SPIDR: variants seen among roughly 807,000 people sequenced by gnomAD.
SPIDR encodes scaffold protein involved in DNA repair.
A neutral mutation model predicts 104.6 loss-of-function variants in SPIDR; 93 were observed. That is an observed-to-expected ratio of 0.89 (90% CI 0.75 to 1.06). SPIDR has a LOEUF of 1.06. Ranked by LOEUF, SPIDR falls within the 50% of genes least tolerant of loss-of-function variation. SPIDR has a pLI of 0.00. For synonymous variants in SPIDR, 431 were observed against 416.9 expected, an observed-to-expected ratio of 1.03 and a Z score of -0.41; for missense variants, 1,154 against 1,111.2, an observed-to-expected ratio of 1.04 and a Z score of -0.55.
intron 5 of SPIDR, among the ~76,000 whole-genome samples, chr8:47,393,869 C>T (rs570833777): frequency 6.6e-6 from 1 of 150,562 alleles, no homozygotes; most frequent in East Asian, 2.0e-4. Context: ...TCCGTCCTTC[C>T]GTCCTTTGTC....
chr8:47,376,754 G>A (rs958441902), intron 5 of SPIDR, among the ~76,000 whole-genome samples: 7 of 152,018 alleles, frequency 4.6e-5, no homozygotes, highest in African/African-American at 1.7e-4. Context: ...GGTACATTGA[G>A]TGATGAGGAA....
At chr8:47,397,733 C>T (rs2061401732) in intron 6 of SPIDR, among the ~76,000 whole-genome samples, 3 of 152,122 alleles carry the variant, frequency 2.0e-5, no homozygotes, top group South Asian at 2.1e-4. Flanking sequence ...CAAGGAGTGA[C>T]GACAGGGTCA....
chr8:47,552,431 C>T (rs1052623517), intron 8 of SPIDR, among the ~76,000 whole-genome samples: 2 of 152,132 alleles, frequency 1.3e-5, no homozygotes, highest in African/African-American at 4.8e-5. Flanking sequence ...TCTCTAAGTA[C>T]TTCCTTTATG....
chr8:47,500,436 G>A (rs1386150228), intron 8 of SPIDR, among the ~76,000 whole-genome samples: 2 of 152,172 alleles, frequency 1.3e-5, no homozygotes, highest in Non-Finnish European at 2.9e-5. Flanking sequence ...CTGCATAAAT[G>A]TCTTCTTTTG....
At chr8:47,360,868 T>A in intron 5 of SPIDR, 3 of 985,486 alleles carry the variant, frequency 3.0e-6, no homozygotes, top group Non-Finnish European at 3.6e-6. Context: ...TTGGACGTGC[T>A]GGACCACAGA....
intron 8 of SPIDR, among the ~76,000 whole-genome samples, chr8:47,472,172 A>T (rs576809758): frequency 6.6e-6 from 1 of 152,360 alleles, no homozygotes; most frequent in South Asian, 2.1e-4. Flanking sequence ...GGCTGCAGTC[A>T]AGGCCTTGCT....
At chr8:47,581,055 C>G (rs1405658842) in intron 8 of SPIDR, among the ~76,000 whole-genome samples, 1 of 152,156 alleles carries the variant, frequency 6.6e-6, no homozygotes, top group Non-Finnish European at 1.5e-5. Context: ...CACTGGTGAG[C>G]CACCCAGCCA....
intron 9 of SPIDR, among the ~76,000 whole-genome samples, chr8:47,598,510 G>A (rs908165588): frequency 6.6e-6 from 1 of 152,220 alleles, no homozygotes; most frequent in African/African-American, 2.4e-5. Context: ...AAAATGCTCA[G>A]CCTAGGAGAT....
intron 1 of SPIDR, among the ~76,000 whole-genome samples, chr8:47,267,952 G>A (rs545001908): frequency 6.6e-6 from 1 of 152,250 alleles, no homozygotes; most frequent in African/African-American, 2.4e-5. Flanking sequence ...TTTCTTCCAA[G>A]AGTTACAGTT....
chr8:47,292,709 T>G (rs2040135665), intron 4 of SPIDR, among the ~76,000 whole-genome samples: 1 of 152,200 alleles, frequency 6.6e-6, no homozygotes, highest in South Asian at 2.1e-4. Context: ...CACAAAAGTT[T>G]TGTGACGAAA....
chr8:47,558,974 A>C (rs1274684175), intron 8 of SPIDR, among the ~76,000 whole-genome samples: 1 of 152,174 alleles, frequency 6.6e-6, no homozygotes, highest in Non-Finnish European at 1.5e-5. Flanking sequence ...TTTGAATTCC[A>C]AATTAACCAT....
At chr8:47,384,009 A>T (rs2059609595) in intron 5 of SPIDR, among the ~76,000 whole-genome samples, 1 of 152,202 alleles carries the variant, frequency 6.6e-6, no homozygotes, top group African/African-American at 2.4e-5. Context: ...TATGGTATTT[A>T]ATTCTCGCAA....
chr8:47,670,395 A>G (rs1404720693), intron 10 of SPIDR, among the ~76,000 whole-genome samples: 1 of 152,220 alleles, frequency 6.6e-6, no homozygotes, highest in Admixed American at 6.5e-5. Context: ...TCAGACTTGG[A>G]GAGAAGAGAG....
At chr8:47,567,844 G>A (rs1283219063) in intron 8 of SPIDR, among the ~76,000 whole-genome samples, 2 of 144,932 alleles carry the variant, frequency 1.4e-5, no homozygotes. Context: ...GAAGTGCAGA[G>A]GCATAATCAC....
intron 8 of SPIDR, among the ~76,000 whole-genome samples, chr8:47,538,484 C>T (rs1455067003): frequency 6.6e-6 from 1 of 152,062 alleles, no homozygotes; most frequent in Non-Finnish European, 1.5e-5. Context: ...GTGGAGGTTG[C>T]AATGAGACGA....
intron 5 of SPIDR, among the ~76,000 whole-genome samples, chr8:47,324,091 T>G (rs1274955015): frequency 2.0e-5 from 3 of 152,210 alleles, no homozygotes; most frequent in Non-Finnish European, 4.4e-5. Context: ...GACCTTATTC[T>G]GTAAATCATA....
chr8:47,362,417 G>C (rs550292608), intron 5 of SPIDR, among the ~76,000 whole-genome samples: 3 of 152,072 alleles, frequency 2.0e-5, no homozygotes, highest in African/African-American at 7.2e-5. Flanking sequence ...ATCTCCCCTG[G>C]TATGAAGGGC....
At chr8:47,557,736 G>C (rs549094433) in intron 8 of SPIDR, among the ~76,000 whole-genome samples, 1 of 152,250 alleles carries the variant, frequency 6.6e-6, no homozygotes, top group Admixed American at 6.5e-5. Context: ...TCATTTCTAA[G>C]TTCATGAACC....
At chr8:47,377,879 A>G (rs1277652465) in intron 5 of SPIDR, among the ~76,000 whole-genome samples, 5 of 152,206 alleles carry the variant, frequency 3.3e-5, no homozygotes, top group African/African-American at 1.2e-4. Context: ...TATTTCAGAA[A>G]CACAACATGT....
Sources: gnomAD v4.1 joint callset for allele counts (sites outside exome capture counted in the v4.1 genomes callset) on GRCh38, gnomAD v4.1.1 for gene constraint, MANE v1.5 for transcripts, NCBI Gene and HGNC (gene_info 2026-07-23, HGNC 2026-07-21) for gene names.